The following TSHZ3 variants were observed in gnomAD, a reference collection of about 807,000 sequenced individuals.
TSHZ3 encodes teashirt zinc finger homeobox 3, also known as teashirt homolog 3.
Under a neutral mutation model 64.5 loss-of-function variants are expected in TSHZ3, and 10 were observed. The ratio of observed to expected loss-of-function variants is 0.16; its 90% CI spans 0.10 to 0.26. TSHZ3 has a LOEUF of 0.26. TSHZ3 is among the 10% of genes least tolerant of loss of function. The pLI, the probability that TSHZ3 is intolerant of heterozygous loss-of-function variation, is 1.00. For synonymous variants in TSHZ3, 608 were observed against 593.1 expected, an observed-to-expected ratio of 1.03 and a Z score of -0.36; for missense variants, 1,242 against 1,421.7, an observed-to-expected ratio of 0.87 and a Z score of 2.03.
At chr19:31,169,398 A>G (rs1162480460) in intron 5 of TSHZ3, among the ~76,000 whole-genome samples, 2 of 152,236 alleles carry the variant, frequency 1.3e-5, no homozygotes, top group African/African-American at 4.8e-5. Context: ...ATAAATGAAT[A>G]AATAGGCAAA....
rs528929491 is a variant in TSHZ3, at chr19:31,259,010, G to A, written n.64-16135C>T. Among the ~76,000 whole-genome samples, 13 of 152,304 alleles carry A rather than the reference G, an allele frequency of 8.5e-5. No homozygotes were observed. The South Asian group carries it at 2.5e-3, about 29-fold the overall frequency. ...ACGGTCTTGCTTACACATAGTTGGT[G>A]GTGTAAAGTCACGGCAGTATTCAAA... On this transcript the variant is annotated intron_variant and non_coding_transcript_variant, in intron 1 of 6. Transcript: ENST00000651361.
chr19:31,272,231 C>T (rs1412497753), downstream of TSHZ3, among the ~76,000 whole-genome samples: 12 of 152,136 alleles, frequency 7.9e-5, no homozygotes, highest in Non-Finnish European at 1.8e-4. Context: ...AGCTGGACGG[C>T]TTAGAGGGCC....
chr19:31,200,911 TG>T (rs1568345867), intron 5 of TSHZ3, among the ~76,000 whole-genome samples: 1 of 151,336 alleles, frequency 6.6e-6, no homozygotes, highest in East Asian at 1.9e-4. Context: ...AAGTTTATTT[TG>T]AAAAAAAAAG....
Position 31,194,910 on chromosome 19 carries a change from T to C in TSHZ3, n.809+10046A>G, listed in dbSNP as rs117465148. Reference sequence around the variant, plus strand: ...CTAAGAAAAAAGAAACAAAAAGAAATGCTGGAGATAAAAAACACTATAATA... The same window carrying C: ...CTAAGAAAAAAGAAACAAAAAGAAACGCTGGAGATAAAAAACACTATAATA... On this transcript the variant is annotated intron_variant and non_coding_transcript_variant, in intron 5 of 6. Transcript: ENST00000651361. Among the ~76,000 whole-genome samples the C allele has an allele frequency of 6.1e-3, 925 of 152,102 alleles. 8 individuals are homozygous for C. The highest frequency in any genetic ancestry group is 0.012 in the South Asian group (58 of 4,816).
intron 1 of TSHZ3, among the ~76,000 whole-genome samples, chr19:31,252,326 C>T (rs537302499): frequency 3.3e-5 from 5 of 152,220 alleles, no homozygotes; most frequent in African/African-American, 4.8e-5. Context: ...TCTCCCTATG[C>T]CAGCTCCCCC....
At chr19:31,300,554 A>AT (rs1976736966) in intron 1 of TSHZ3, among the ~76,000 whole-genome samples, 1 of 152,166 alleles carries the variant, frequency 6.6e-6, no homozygotes, top group African/African-American at 2.4e-5. Flanking sequence ...CTAGGGAGGG[A>AT]TGGCCCCAGG....
intron 1 of TSHZ3, among the ~76,000 whole-genome samples, chr19:31,269,344 A>T (rs183983347): frequency 8.0e-4 from 122 of 152,136 alleles, no homozygotes; most frequent in African/African-American, 2.7e-3. Context: ...GCTTTTGCCG[A>T]CTCGGTTTCA....
chr19:31,276,735 G>T lies in TSHZ3; in HGVS notation c.3058C>A (p.Gln1020Lys). 1 of 1,613,632 alleles carries T rather than the reference G, an allele frequency of 6.2e-7. No homozygotes were observed. Among genetic ancestry groups the T allele is most frequent in the Non-Finnish European group, 8.5e-7 (1 of 1,179,538 alleles). ...STEQINSQIA[Q>K]TKSPSEKMVT... is the part of the protein sequence containing the mutation. ...ATTTTTTCTGACGGTGACTTGGTTT[G>T]TGCTATCTGACTGTTAATCTGTTCG... The change falls in exon 2 of 2, where the codon CAA (glutamine) becomes AAA (lysine). Residue 1020 changes from glutamine (Q) to lysine (K), a missense_variant. Transcript: ENST00000240587.
intron 5 of TSHZ3, among the ~76,000 whole-genome samples, chr19:31,187,522 A>G (rs1297446485): frequency 2.6e-5 from 4 of 152,152 alleles, no homozygotes; most frequent in African/African-American, 9.7e-5. Context: ...AGGTAGTCAA[A>G]TAATATATTC....
intron 4 of TSHZ3, among the ~76,000 whole-genome samples, chr19:31,224,263 C>T (rs550642379): frequency 8.0e-4 from 122 of 152,324 alleles, no homozygotes; most frequent in Non-Finnish European, 1.6e-3. Flanking sequence ...GGGAGTTTCA[C>T]TAAAGTCCCT....
At chr19:31,285,502 G>T (rs1976443315) in intron 1 of TSHZ3, among the ~76,000 whole-genome samples, 1 of 150,564 alleles carries the variant, frequency 6.6e-6, no homozygotes, top group African/African-American at 2.4e-5. Context: ...GGAAAAGTAG[G>T]CCAGGCGTGG....
upstream of TSHZ3, among the ~76,000 whole-genome samples, chr19:31,350,587 T>C (rs548693150): frequency 2.0e-5 from 3 of 151,214 alleles, no homozygotes; most frequent in Non-Finnish European, 3.0e-5. Context: ...CTGCCGGGGC[T>C]GCTGGACTAG....
At chr19:31,213,393 C>CAAAAAAAAA (rs1555726864) in intron 4 of TSHZ3, among the ~76,000 whole-genome samples, 1 of 34,200 alleles carries the variant, frequency 2.9e-5, no homozygotes, top group Non-Finnish European at 6.3e-5. Flanking sequence ...AAAAAAAAAT[C>CAAAAAAAAA]AGTGGTGTCC....
At chr19:31,326,916 G>A (rs935340369) in intron 1 of TSHZ3, among the ~76,000 whole-genome samples, 1 of 152,198 alleles carries the variant, frequency 6.6e-6, no homozygotes. Flanking sequence ...GTGTGCCAGT[G>A]TGCACAGGCC....
intron 1 of TSHZ3, among the ~76,000 whole-genome samples, chr19:31,267,121 C>T (rs117425051): frequency 3.2e-3 from 486 of 152,356 alleles, no homozygotes; most frequent in Non-Finnish European, 5.4e-3. Context: ...TCCAGCTTGA[C>T]TCCAAACTTA....
At chr19:31,343,277 A>T (rs1486341558) in intron 1 of TSHZ3, among the ~76,000 whole-genome samples, 1 of 152,218 alleles carries the variant, frequency 6.6e-6, no homozygotes, top group African/African-American at 2.4e-5. Context: ...TTCAAGAGCC[A>T]CACCTTTGCA....
chr19:31,166,776 G>A (rs1182461905), intron 5 of TSHZ3, among the ~76,000 whole-genome samples: 1 of 152,130 alleles, frequency 6.6e-6, no homozygotes, highest in Non-Finnish European at 1.5e-5. Context: ...AAGACTATAT[G>A]CCCCTACGGC....
intron 5 of TSHZ3, chr19:31,204,654 A>T (rs1297773873): frequency 6.6e-6 from 1 of 152,214 alleles, no homozygotes; most frequent in Non-Finnish European, 1.5e-5. Context: ...TGCTATAGGC[A>T]TTGCTTTGTT....
chr19:31,227,905 AT>A (rs1418573419), intron 4 of TSHZ3, among the ~76,000 whole-genome samples: 2 of 152,056 alleles, frequency 1.3e-5, no homozygotes, highest in African/African-American at 4.8e-5. Flanking sequence ...CCATCATGAA[AT>A]CTTATTGGTT....
Sources: allele counts gnomAD v4.1 joint callset (sites outside exome capture counted in the v4.1 genomes callset), GRCh38; gene constraint gnomAD v4.1.1; transcripts MANE v1.5; gene names NCBI Gene and HGNC (gene_info 2026-07-23, HGNC 2026-07-21).